MACROD2: variants seen among roughly 807,000 people sequenced by gnomAD.
MACROD2 encodes ADP-ribose glycohydrolase MACROD2.
A neutral mutation model predicts 70.4 loss-of-function variants in MACROD2; 36 were observed. The observed-to-expected ratio is 0.51, with a 90% confidence interval of 0.39 to 0.68. The LOEUF (loss-of-function observed/expected upper bound fraction) is 0.68, where lower values mean the gene tolerates loss of function less well. MACROD2 is among the 30% of genes least tolerant of loss of function. The pLI is 0.00. For synonymous variants in MACROD2, 172 were observed against 178.8 expected (o/e 0.96, Z 0.30); for missense variants, 496 against 538.4 (o/e 0.92, Z 0.78).
chr20:14,306,668 A>C (rs2082523397), intron 3 of MACROD2, among the ~76,000 whole-genome samples: 1 of 152,094 alleles, frequency 6.6e-6, no homozygotes, highest in Admixed American at 6.6e-5. Flanking sequence ...CCTATCTTCT[A>C]GGGAGAGGAC....
chr20:14,966,275 T>A (rs894870634), intron 5 of MACROD2, among the ~76,000 whole-genome samples: 2 of 152,216 alleles, frequency 1.3e-5, no homozygotes, highest in Non-Finnish European at 2.9e-5. Flanking sequence ...CTTAAGCATA[T>A]GTACTTGTGT....
At chr20:14,932,074 C>T (rs1003134695) in intron 5 of MACROD2, among the ~76,000 whole-genome samples, 1 of 151,560 alleles carries the variant, frequency 6.6e-6, no homozygotes, top group Non-Finnish European at 1.5e-5. Context: ...CTTTACCTAC[C>T]TGGTACGAAA....
At chr20:14,816,482 A>G (rs990293623) in intron 5 of MACROD2, among the ~76,000 whole-genome samples, 4 of 152,068 alleles carry the variant, frequency 2.6e-5, no homozygotes, top group African/African-American at 9.7e-5. Flanking sequence ...TTAGAAGCTT[A>G]TGTACTCCTT....
At chr20:15,901,562 C>T (rs1471835991) in intron 10 of MACROD2, among the ~76,000 whole-genome samples, 1 of 152,310 alleles carries the variant, frequency 6.6e-6, no homozygotes, top group South Asian at 2.1e-4. Flanking sequence ...CACATTTCAT[C>T]ATGTCTACAA....
chr20:14,862,320 T>C (rs1251882317), intron 5 of MACROD2, among the ~76,000 whole-genome samples: 1 of 37,096 alleles, frequency 2.7e-5, no homozygotes, highest in Non-Finnish European at 4.4e-5. Context: ...TATGTAAATA[T>C]ATATATAAAA....
chr20:14,431,816 ATTCGGCCTT>A (rs1390590181), intron 3 of MACROD2, among the ~76,000 whole-genome samples: 1 of 152,186 alleles, frequency 6.6e-6, no homozygotes, highest in Non-Finnish European at 1.5e-5. Flanking sequence ...CAAGAAAATA[ATTCGGCCTT>A]CTTATTCATC....
At chr20:15,779,303 T>A (rs767019208) in intron 8 of MACROD2, among the ~76,000 whole-genome samples, 10 of 152,174 alleles carry the variant, frequency 6.6e-5, no homozygotes, top group Non-Finnish European at 1.3e-4. Flanking sequence ...TGCTCTTGAA[T>A]TTTGATTTAA....
intron 5 of MACROD2, among the ~76,000 whole-genome samples, chr20:14,718,292 C>CAAAAAAAAA (rs11358439): frequency 1.8e-4 from 10 of 54,648 alleles, no homozygotes; most frequent in Admixed American, 3.4e-4. Flanking sequence ...GACTCTGTCT[C>CAAAAAAAAA]AAAAAAAAAA....
intron 5 of MACROD2, among the ~76,000 whole-genome samples, chr20:14,729,113 A>G (rs2071563487): frequency 6.6e-6 from 1 of 152,136 alleles, no homozygotes; most frequent in Admixed American, 6.5e-5. Flanking sequence ...CTTCATATAC[A>G]ATTTAAAATA....
intron 5 of MACROD2, among the ~76,000 whole-genome samples, chr20:14,951,339 C>T (rs1461850114): frequency 2.0e-5 from 3 of 152,006 alleles, no homozygotes; most frequent in Non-Finnish European, 2.9e-5. Flanking sequence ...TATGAGTAAG[C>T]CAAGTACACA....
chr20:14,667,823 C>G (rs978613661), intron 4 of MACROD2, among the ~76,000 whole-genome samples: 1 of 152,016 alleles, frequency 6.6e-6, no homozygotes, highest in Non-Finnish European at 1.5e-5. Context: ...TCATTCTGCC[C>G]CTGTATTTTA....
rs182634198 is a variant in MACROD2 at position 14,152,057 on chromosome 20, A to G, written c.271+66329A>G. Among the ~76,000 whole-genome samples the G allele has an allele frequency of 9.4e-4, 142 of 151,576 alleles. 1 individual carries two copies. Among genetic ancestry groups the G allele is most frequent in the African/African-American group, 3.1e-3 (130 of 41,312 alleles). ...AGGATGGTCTCGATCTCCTGACCTC[A>G]TGATCTGCCCGCGTCAGCCTCCCAA... On this transcript the variant is annotated intron_variant, in intron 3 of 17. Coordinates refer to ENST00000684519, the MANE Select transcript of MACROD2 (RefSeq NM_001351661.2).
At chr20:15,101,297 A>G (rs2075870212) in intron 5 of MACROD2, among the ~76,000 whole-genome samples, 1 of 152,010 alleles carries the variant, frequency 6.6e-6, no homozygotes, top group South Asian at 2.1e-4. Flanking sequence ...AAGGCATTTT[A>G]TCTATTGAAA....
At chr20:15,423,952 G>A (rs114201570) in intron 6 of MACROD2, among the ~76,000 whole-genome samples, 4,381 of 152,306 alleles carry the variant, frequency 0.029, 219 homozygotes, top group African/African-American at 0.099. Context: ...TATGGTGAGA[G>A]CCCTCTTTCA....
intron 5 of MACROD2, among the ~76,000 whole-genome samples, chr20:14,885,130 G>A (rs1391301827): frequency 2.0e-5 from 3 of 152,088 alleles, no homozygotes; most frequent in Non-Finnish European, 4.4e-5. Context: ...TCATTGAGAG[G>A]AGTGTCAAAA....
Position 14,326,992 on chromosome 20 carries a change from C to A in MACROD2, c.272-166487C>A. 6.2e-7 allele frequency: 1 copy of A among 1,613,688 alleles called. No homozygotes were observed. Among genetic ancestry groups the A allele is most frequent in the Non-Finnish European group, 8.5e-7 (1 of 1,179,762 alleles). ...TAGTTCTTCTATAGTCCTGGGCAAACCCCAGGGAATTGTGCTAAGGTGATT... is the reference window on the plus strand; with the variant it reads ...TAGTTCTTCTATAGTCCTGGGCAAAACCCAGGGAATTGTGCTAAGGTGATT... On this transcript the variant is annotated intron_variant, in intron 3 of 17. Coordinates refer to ENST00000684519, the MANE Select transcript of MACROD2 (RefSeq NM_001351661.2). This position sits in a 1 kb window ranked among gnomAD's most constrained non-coding sequence, Gnocchi z 5.5.
intron 5 of MACROD2, among the ~76,000 whole-genome samples, chr20:14,831,325 T>C (rs2072962636): frequency 6.6e-6 from 1 of 152,142 alleles, no homozygotes; most frequent in Non-Finnish European, 1.5e-5. Context: ...ATTTTCAGTT[T>C]TATCGACGTG....
intron 3 of MACROD2, among the ~76,000 whole-genome samples, chr20:14,190,031 A>G (rs781398593): frequency 2.0e-4 from 31 of 152,194 alleles, no homozygotes; most frequent in African/African-American, 4.8e-5. Context: ...ACACAACTGT[A>G]TATCTCTAAA....
chr20:14,394,179 T>G (rs1389886351), intron 3 of MACROD2, among the ~76,000 whole-genome samples: 2 of 152,192 alleles, frequency 1.3e-5, no homozygotes, highest in Non-Finnish European at 2.9e-5. Flanking sequence ...TGAGATTGTG[T>G]TGAATTTATA....
Sources: allele counts gnomAD v4.1 joint callset (sites outside exome capture counted in the v4.1 genomes callset), GRCh38; gene constraint gnomAD v4.1.1; non-coding constraint Gnocchi (gnomAD v3.1); transcripts MANE v1.5; gene names NCBI Gene and HGNC (gene_info 2026-07-23, HGNC 2026-07-21).